EYS: variants seen among roughly 807,000 people sequenced by gnomAD.
EYS encodes the protein EGF-like photoreceptor maintenance factor, also known as protein eyes shut homolog.
In EYS, 250 loss-of-function variants were observed where a neutral mutation model predicts 282.1. The observed-to-expected ratio is 0.89, with a 90% CI of 0.80 to 0.98. The LOEUF is 0.98. EYS is among the 50% of genes least tolerant of loss of function. The probability of loss-of-function intolerance (pLI) is 0.00; values close to 1 mark genes in which losing one functional copy is unlikely to be tolerated. For synonymous variants in EYS, 1,355 were observed against 1,282.9 expected, an observed-to-expected ratio of 1.06 and a Z score of -1.20; for missense variants, 4,016 against 3,709.0, an observed-to-expected ratio of 1.08 and a Z score of -2.15.
intron 31 of EYS, among the ~76,000 whole-genome samples, chr6:64,145,471 CTTTAT>C (rs150742851): frequency 0.062 from 9,500 of 152,136 alleles, 850 homozygotes; most frequent in African/African-American, 0.2. Context: ...AAGACTGCCA[CTTTAT>C]TTTATTACTC....
At chr6:64,108,376 G>A (rs1198044192) in intron 31 of EYS, among the ~76,000 whole-genome samples, 1 of 151,988 alleles carries the variant, frequency 6.6e-6, no homozygotes. Flanking sequence ...TTTGCCTTGT[G>A]ACATTACTTC....
intron 12 of EYS, among the ~76,000 whole-genome samples, chr6:65,267,263 ATTTTC>A (rs966362632): frequency 3.4e-4 from 52 of 151,976 alleles, no homozygotes; most frequent in African/African-American, 1.2e-3. Context: ...TAATTCTGCA[ATTTTC>A]TTTTCAGATT....
intron 28 of EYS, among the ~76,000 whole-genome samples, chr6:64,399,615 T>C (rs1021780386): frequency 6.6e-6 from 1 of 152,060 alleles, no homozygotes. Context: ...ATCAAATTGC[T>C]GGCCTGCTCT....
intron 2 of EYS, among the ~76,000 whole-genome samples, chr6:65,525,885 A>G (rs929846846): frequency 2.0e-5 from 3 of 152,232 alleles, no homozygotes; most frequent in Admixed American, 6.5e-5. Flanking sequence ...TACTAATAAC[A>G]TAAGAAATGT....
At chr6:64,231,208 T>C (rs890087384) in intron 30 of EYS, among the ~76,000 whole-genome samples, 5 of 152,214 alleles carry the variant, frequency 3.3e-5, no homozygotes, top group African/African-American at 1.2e-4. Context: ...AGTTAACTGC[T>C]AGAAATGTGC....
At chr6:65,319,275 G>A (rs1354902013) in intron 11 of EYS, among the ~76,000 whole-genome samples, 2 of 150,328 alleles carry the variant, frequency 1.3e-5, no homozygotes, top group Admixed American at 1.3e-4. Context: ...AGCTACTTGG[G>A]AGGCGGAGGC....
At chr6:63,803,867 A>C (rs1770837894) in intron 37 of EYS, among the ~76,000 whole-genome samples, 1 of 152,176 alleles carries the variant, frequency 6.6e-6, no homozygotes, top group Non-Finnish European at 1.5e-5. Flanking sequence ...ATACTAAATT[A>C]AAGTAATGGC....
intron 26 of EYS, among the ~76,000 whole-genome samples, chr6:64,546,983 C>A (rs558773233): frequency 1.1e-4 from 16 of 152,230 alleles, no homozygotes; most frequent in East Asian, 1.9e-4. Flanking sequence ...AGCCACGGAA[C>A]CTCGCGGTGA....
intron 2 of EYS, among the ~76,000 whole-genome samples, chr6:65,601,435 C>T (rs1275472720): frequency 1.3e-5 from 2 of 151,418 alleles, no homozygotes; most frequent in Non-Finnish European, 3.0e-5. Flanking sequence ...GCTTTTTTTT[C>T]CCCCACAGAG....
chr6:64,065,037 T>C (rs1771316000), intron 33 of EYS, among the ~76,000 whole-genome samples: 1 of 152,218 alleles, frequency 6.6e-6, no homozygotes, highest in South Asian at 2.1e-4. Flanking sequence ...CTTCTTGTTA[T>C]AAGCAAATGA....
intron 22 of EYS, among the ~76,000 whole-genome samples, chr6:64,781,204 A>AT (rs575446580): frequency 4.0e-5 from 6 of 150,942 alleles, no homozygotes; most frequent in South Asian, 2.1e-4. Flanking sequence ...AATAATGAAC[A>AT]TTTTTTTTAG....
intron 12 of EYS, among the ~76,000 whole-genome samples, chr6:65,089,996 CACACACACACAA>C (rs1158989317): frequency 2.0e-5 from 3 of 148,800 alleles, no homozygotes; most frequent in African/African-American, 7.4e-5. Flanking sequence ...CACACACACA[CACACACACACAA>C]ACACACACAC....
intron 12 of EYS, among the ~76,000 whole-genome samples, chr6:65,232,322 A>G (rs889392793): frequency 1.3e-5 from 2 of 152,086 alleles, no homozygotes; most frequent in Non-Finnish European, 2.9e-5. Context: ...CCATCAAATC[A>G]CGCATGTGGT....
chr6:64,558,446 AC>A (rs1393198965), intron 26 of EYS, among the ~76,000 whole-genome samples: 2 of 151,950 alleles, frequency 1.3e-5, no homozygotes, highest in South Asian at 2.1e-4. Flanking sequence ...ACAACCAAGA[AC>A]TCTTCACCCC....
intron 5 of EYS, among the ~76,000 whole-genome samples, chr6:65,409,189 G>A (rs868311760): frequency 2.0e-5 from 3 of 152,276 alleles, no homozygotes; most frequent in Admixed American, 6.5e-5. Flanking sequence ...GAAGGGATGT[G>A]AAAGCAAGTG....
At chr6:64,370,006 T>C (rs116003578) in intron 29 of EYS, among the ~76,000 whole-genome samples, 2,621 of 152,124 alleles carry the variant, frequency 0.017, 66 homozygotes, top group African/African-American at 0.06. Context: ...TTCTTCCTAT[T>C]TGGATGTGTT....
At chr6:63,875,708 A>AAT (rs1772950351) in intron 35 of EYS, among the ~76,000 whole-genome samples, 1 of 152,022 alleles carries the variant, frequency 6.6e-6, no homozygotes, top group Admixed American at 6.6e-5. Flanking sequence ...GGGAGGGTGT[A>AAT]TGTGTCAAGG....
At chr6:63,989,054 C>A (rs1325634324) in intron 34 of EYS, among the ~76,000 whole-genome samples, 1 of 151,462 alleles carries the variant, frequency 6.6e-6, no homozygotes, top group Non-Finnish European at 1.5e-5. Context: ...TTAATGTTTA[C>A]TTTTATTTTG....
intron 24 of EYS, among the ~76,000 whole-genome samples, chr6:64,605,187 A>G (rs770930138): frequency 6.7e-6 from 1 of 150,316 alleles, no homozygotes; most frequent in Non-Finnish European, 1.5e-5. Flanking sequence ...GATTTTCTCG[A>G]CTTTTCACAA....
Sources: gnomAD v4.1 joint callset for allele counts (sites outside exome capture counted in the v4.1 genomes callset) on GRCh38, gnomAD v4.1.1 for gene constraint, MANE v1.5 for transcripts, NCBI Gene and HGNC (gene_info 2026-07-23, HGNC 2026-07-21) for gene names.